Variants in LRRC1 observed in about 807,000 individuals in gnomAD.
LRRC1 encodes the protein leucine-rich repeat-containing protein 1.
Under a neutral mutation model 69.9 loss-of-function variants are expected in LRRC1, and 28 were observed. That is an observed-to-expected ratio of 0.40 (90% CI 0.30 to 0.55). The LOEUF is 0.55. Among genes scored for constraint, LRRC1 ranks in the 20% least tolerant of loss-of-function variants. LRRC1 has a pLI of 0.47. For missense variants in LRRC1, 498 were observed against 609.0 expected (o/e 0.82, Z 1.92); for synonymous variants, 236 against 240.2 (o/e 0.98, Z 0.16).
intron 1 of LRRC1, among the ~76,000 whole-genome samples, chr6:53,797,005 G>T (rs116234371): frequency 1.3e-5 from 2 of 152,180 alleles, no homozygotes; most frequent in African/African-American, 2.4e-5. Context: ...TTATTCACTA[G>T]AAATGATTCA....
intron 1 of LRRC1, among the ~76,000 whole-genome samples, chr6:53,815,734 A>T (rs1400762822): frequency 6.6e-6 from 1 of 152,208 alleles, no homozygotes; most frequent in East Asian, 1.9e-4. Context: ...TCCTGCGTTC[A>T]CTTGTGAAGA....
intron 4 of LRRC1, among the ~76,000 whole-genome samples, chr6:53,888,769 C>G (rs1767577093): frequency 6.6e-6 from 1 of 152,120 alleles, no homozygotes; most frequent in African/African-American, 2.4e-5. Flanking sequence ...TGTAAGAAAA[C>G]AGGGGTAAAT....
intron 2 of LRRC1, among the ~76,000 whole-genome samples, chr6:53,844,761 C>T (rs1331531811): frequency 6.6e-6 from 1 of 152,192 alleles, no homozygotes; most frequent in South Asian, 2.1e-4. Flanking sequence ...ATCCAGCTCT[C>T]TTAGAAATGC....
At chr6:53,914,900 G>A (rs539219935) in intron 11 of LRRC1, among the ~76,000 whole-genome samples, 1 of 152,282 alleles carries the variant, frequency 6.6e-6, no homozygotes, top group Non-Finnish European at 1.5e-5. Flanking sequence ...GTTACCTAAA[G>A]TTAGATATTC....
chr6:53,797,225 C>T (rs1764327815), intron 1 of LRRC1, among the ~76,000 whole-genome samples: 1 of 152,070 alleles, frequency 6.6e-6, no homozygotes, highest in Non-Finnish European at 1.5e-5. Flanking sequence ...TTGTCAGAAT[C>T]TCAAAATATA....
At chr6:53,861,798 GC>G (rs1766534920) in intron 2 of LRRC1, among the ~76,000 whole-genome samples, 2 of 151,924 alleles carry the variant, frequency 1.3e-5, no homozygotes, top group African/African-American at 4.8e-5. Flanking sequence ...TCAGCCTGTG[GC>G]TGAGTCTCTA....
intron 2 of LRRC1, among the ~76,000 whole-genome samples, chr6:53,849,261 T>C (rs941213514): frequency 6.6e-6 from 1 of 152,214 alleles, no homozygotes; most frequent in Non-Finnish European, 1.5e-5. Context: ...CCGTACATGC[T>C]ACGCTCTGTG....
intron 2 of LRRC1, among the ~76,000 whole-genome samples, chr6:53,856,246 A>G (rs1458383481): frequency 6.6e-6 from 1 of 152,216 alleles, no homozygotes; most frequent in Admixed American, 6.5e-5. Flanking sequence ...TCTTTCATGA[A>G]CATTTAACCA....
At chr6:53,852,075 C>T (rs1766154710) in intron 2 of LRRC1, among the ~76,000 whole-genome samples, 1 of 152,178 alleles carries the variant, frequency 6.6e-6, no homozygotes, top group Admixed American at 6.5e-5. Flanking sequence ...GGGATCACTA[C>T]CTTGGACAAA....
chr6:53,884,570 A>G (rs1267462420), intron 4 of LRRC1, among the ~76,000 whole-genome samples: 1 of 151,888 alleles, frequency 6.6e-6, no homozygotes, highest in Non-Finnish European at 1.5e-5. Context: ...CCAAACTAAC[A>G]CTGTCCTCCT....
chr6:53,873,312 G>A (rs1445613510), intron 2 of LRRC1, among the ~76,000 whole-genome samples: 3 of 141,912 alleles, frequency 2.1e-5, no homozygotes, highest in African/African-American at 7.8e-5. Context: ...TTTTAATTGA[G>A]ACAGAGTCTC....
At chr6:53,804,333 C>G (rs187334175) in intron 1 of LRRC1, among the ~76,000 whole-genome samples, 1 of 152,152 alleles carries the variant, frequency 6.6e-6, no homozygotes, top group Non-Finnish European at 1.5e-5. Context: ...GTGGGATGAT[C>G]AAATCAGTCT....
rs139786070 is a variant in LRRC1 at position 53,840,256 on chromosome 6, A to G, written c.160-1854A>G. Among the ~76,000 whole-genome samples, 299 of 152,320 alleles carry G rather than the reference A, an allele frequency of 2.0e-3. 4 individuals carry two copies. The East Asian group carries it at 0.041, about 21-fold the overall frequency. On this transcript the variant is annotated intron_variant, in intron 1 of 13. Transcript: ENST00000370888. ...CTTAATTGATAGTTTGGCTGGGTAT[A>G]TAATTTTAGGTTGGGAATAATGATT... is the stretch of plus-strand genomic sequence containing the variant.
chr6:53,878,154 G>C (rs1767137555), intron 2 of LRRC1, among the ~76,000 whole-genome samples: 1 of 152,048 alleles, frequency 6.6e-6, no homozygotes, highest in Non-Finnish European at 1.5e-5. Context: ...CATGAGAACA[G>C]CACAGGAAAG....
chr6:53,875,930 A>G (rs1767053698), intron 2 of LRRC1, among the ~76,000 whole-genome samples: 1 of 152,144 alleles, frequency 6.6e-6, no homozygotes, highest in Non-Finnish European at 1.5e-5. Flanking sequence ...TTGAAACTAT[A>G]TATTATTGTT....
intron 1 of LRRC1, among the ~76,000 whole-genome samples, chr6:53,813,465 A>C (rs1347747980): frequency 6.6e-6 from 1 of 151,800 alleles, no homozygotes; most frequent in Non-Finnish European, 1.5e-5. Flanking sequence ...TGCCCCCTCT[A>C]CAGAGGACAG....
At chr6:53,834,837 C>T (rs1311898646) in intron 1 of LRRC1, among the ~76,000 whole-genome samples, 1 of 152,108 alleles carries the variant, frequency 6.6e-6, no homozygotes, top group Non-Finnish European at 1.5e-5. Context: ...TGGCACACAC[C>T]GGTAGTCCCA....
intron 2 of LRRC1, among the ~76,000 whole-genome samples, chr6:53,871,577 T>C (rs969872306): frequency 1.2e-4 from 18 of 152,222 alleles, no homozygotes; most frequent in Admixed American, 1.3e-4. Flanking sequence ...TTTCTGTCAT[T>C]TTGTAGGTCG....
intron 2 of LRRC1, among the ~76,000 whole-genome samples, chr6:53,871,214 A>G (rs1297142028): frequency 6.6e-6 from 1 of 152,176 alleles, no homozygotes; most frequent in African/African-American, 2.4e-5. Flanking sequence ...GAACCGCCGT[A>G]GTTTTTCATA....
Sources: allele counts gnomAD v4.1 joint callset (sites outside exome capture counted in the v4.1 genomes callset), GRCh38; gene constraint gnomAD v4.1.1; transcripts MANE v1.5; gene names NCBI Gene and HGNC (gene_info 2026-07-23, HGNC 2026-07-21).